Variants in ZNF469 observed in about 807,000 individuals in gnomAD.
ZNF469 encodes the protein zinc finger protein 469.
In ZNF469, 1 loss-of-function variant was observed where a neutral mutation model predicts 1.0. The observed-to-expected ratio is 1.00, with a 90% CI of 0.35 to 4.73. The LOEUF is 4.73. Among genes scored for constraint, ZNF469 ranks in the 30% most tolerant of loss-of-function variants. The pLI is 0.16. For missense variants in ZNF469, 6,100 were observed against 5,356.3 expected, an observed-to-expected ratio of 1.14 and a Z score of -4.33; for synonymous variants, 2,703 against 2,363.4, an observed-to-expected ratio of 1.14 and a Z score of -4.17.
chr16:88,264,583 C>T, the ZNF469 span, among the ~76,000 whole-genome samples: 1 of 151,192 alleles, frequency 6.6e-6, no homozygotes, highest in African/African-American at 2.4e-5. Flanking sequence ...CCCACATCCT[C>T]CTCCCCCCTC....
chr16:88,432,380 G>T lies in ZNF469; in HGVS notation c.4910G>T (p.Arg1637Leu), dbSNP rs273585621. Reference protein sequence around the residue: ...LTRVGESTAHREGAESAVATV... With the variant: ...LTRVGESTAHLEGAESAVATV... Reference sequence around the variant, plus strand: ...CGCGTTGGAGAATCCACTGCACATCGGGAGGGTGCGGAATCGGCTGTGGCC... The same window carrying T: ...CGCGTTGGAGAATCCACTGCACATCTGGAGGGTGCGGAATCGGCTGTGGCC... The change falls in exon 3 of 3, where the codon CGG becomes CTG. Residue 1637 changes from arginine to leucine, a missense_variant. Coordinates refer to ENST00000565624, the MANE Select transcript of ZNF469 (RefSeq NM_001367624.2). The T allele has an allele frequency of 1.3e-6, 2 of 1,549,216 alleles. No individual in the cohort carries two copies. Among genetic ancestry groups the T allele is most frequent in the Middle Eastern group, 1.7e-4 (1 of 5,992 alleles).
chr16:88,238,482 T>C, the ZNF469 span, among the ~76,000 whole-genome samples: 2 of 151,938 alleles, frequency 1.3e-5, no homozygotes. Context: ...CCTGGATAGA[T>C]AGACCCCAGA....
chr16:88,120,955 G>C, the ZNF469 span, among the ~76,000 whole-genome samples: 15 of 152,242 alleles, frequency 9.9e-5, no homozygotes, highest in South Asian at 2.7e-3. Flanking sequence ...CGCAGGCGTT[G>C]GGTGAGGTTC....
the ZNF469 span, among the ~76,000 whole-genome samples, chr16:88,342,575 C>T: frequency 6.6e-6 from 1 of 152,172 alleles, no homozygotes; most frequent in South Asian, 2.1e-4. Flanking sequence ...TCCCGCAGCC[C>T]CTTCCTTTGC....
chr16:88,135,036 C>G, the ZNF469 span, among the ~76,000 whole-genome samples: 1 of 152,254 alleles, frequency 6.6e-6, no homozygotes, highest in Non-Finnish European at 1.5e-5. Flanking sequence ...CAGTCCACCC[C>G]CATGTGCCTG....
chr16:88,411,630 C>T lies in ZNF469; in HGVS notation c.-191-13177C>T, dbSNP rs185017807. ...CAGGGAGAACGGGGTGTAGGGAGCC[C>T]CAGGAAGCTGGAGACAGGTGTCAAA... On this transcript the variant is annotated intron_variant, in intron 1 of 2. Coordinates refer to ENST00000565624, the MANE Select transcript of ZNF469 (RefSeq NM_001367624.2). Among the ~76,000 whole-genome samples the T allele has an allele frequency of 4.6e-5, 7 of 152,112 alleles. No individual in the cohort carries two copies. In the East Asian group the frequency reaches 1.4e-3, roughly 30 times the overall value.
At chr16:88,102,558 TC>T in the ZNF469 span, among the ~76,000 whole-genome samples, 1 of 152,342 alleles carries the variant, frequency 6.6e-6, no homozygotes, top group South Asian at 2.1e-4. Flanking sequence ...GGGCAGGGCT[TC>T]TTGCCCAGTG....
the ZNF469 span, among the ~76,000 whole-genome samples, chr16:88,366,973 C>G: frequency 1.3e-5 from 2 of 152,050 alleles, no homozygotes; most frequent in African/African-American, 4.8e-5. Flanking sequence ...CTGTCATTAC[C>G]ACCATCACTG....
the ZNF469 span, chr16:88,177,311 C>G: frequency 6.6e-6 from 1 of 152,172 alleles, no homozygotes; most frequent in Non-Finnish European, 1.5e-5. The surrounding 1 kb of genome is among the most constrained non-coding windows in gnomAD (Gnocchi z 4.8). Flanking sequence ...AATTCAAATG[C>G]TATTTATTGA....
In ZNF469 at chr16:88,428,448, G is replaced by A. The variant is rs924216719; in HGVS notation, c.978G>A (p.Leu326=). The change falls in exon 3 of 3, where the codon CTG becomes CTA. Residue 326 remains leucine (L), a synonymous_variant. Coordinates refer to ENST00000565624, the MANE Select transcript of ZNF469 (RefSeq NM_001367624.2). Reference sequence around the variant, plus strand: ...TGGGCACGGGCCCTGCCTACCCGCTGCCCACCCAGCCTGCGCCCTCACCCC... The same window carrying A: ...TGGGCACGGGCCCTGCCTACCCGCTACCCACCCAGCCTGCGCCCTCACCCC... ...EAVGTGPAYP[L]PTQPAPSPLP... is the part of the protein sequence containing the mutation. The A allele has an allele frequency of 3.2e-6, 5 of 1,548,188 alleles. No homozygotes were observed. The highest frequency in any genetic ancestry group is 3.5e-6 in the Non-Finnish European group (4 of 1,146,720).
At position 88,418,325 on chromosome 16, in the gene ZNF469, C is replaced by T. The variant is rs184099817; in HGVS notation, c.-191-6482C>T. Among the ~76,000 whole-genome samples the T allele has an allele frequency of 5.2e-4, 79 of 152,034 alleles. 3 individuals carry two copies. The highest frequency in any genetic ancestry group is 4.6e-3 in the Admixed American group (71 of 15,278). On this transcript the variant is annotated intron_variant, in intron 1 of 2. Transcript: ENST00000565624. ...AGCTGAAGGCCCATCTCGGTGAGGC[C>T]GTGGAGGGTTGTCTAGGAGACTGAG...
Position 88,435,872 on chromosome 16 carries a change from G to T in ZNF469, c.8402G>T (p.Gly2801Val). The part of the protein sequence containing the change: ...EENTPPLGPL[G>V]FPETSSSPAD... ...AACACGCCCCCCTTGGGCCCCCTGG[G>T]TTTTCCCGAGACTTCCAGCTCTCCG... The change falls in exon 3 of 3, where the codon GGT becomes GTT. Residue 2801 changes from glycine to valine, a missense_variant. By Grantham distance (109) the Gly-to-Val change is moderately radical (BLOSUM62 -3). Coordinates refer to ENST00000565624, the MANE Select transcript of ZNF469 (RefSeq NM_001367624.2). 6.5e-7 allele frequency: 1 copy of T among 1,550,222 alleles called. No homozygotes were observed. The highest frequency in any genetic ancestry group is 8.7e-7 in the Non-Finnish European group (1 of 1,146,962).
the ZNF469 span, among the ~76,000 whole-genome samples, chr16:88,140,415 G>A: frequency 2.7e-5 from 4 of 148,924 alleles, no homozygotes; most frequent in Admixed American, 6.7e-5. Context: ...TGTAGAAATC[G>A]GGGGGTAGCA....
chr16:88,429,446 C>G lies in ZNF469; in HGVS notation c.1976C>G (p.Thr659Ser). 1 of 1,548,230 alleles carries G rather than the reference C, an allele frequency of 6.5e-7. No homozygotes were observed. The highest frequency in any genetic ancestry group is 8.7e-7 in the Non-Finnish European group (1 of 1,145,300). ...CCGGAGCCCCCCCACTCCCTCCCCA[C>G]CCACTACCAGCCAGAGCCAGCCAAG... ...PSPEPPHSLP[T>S]HYQPEPAKAF... Residue 659 changes from threonine (T) to serine (S), a missense_variant, in exon 3 of 3, where the codon ACC (threonine) becomes AGC (serine). By Grantham distance (58) the Thr-to-Ser change is moderately conservative (BLOSUM62 1). Coordinates refer to ENST00000565624, the MANE Select transcript of ZNF469 (RefSeq NM_001367624.2).
In ZNF469 at chr16:88,437,450, C is replaced by G. The variant is rs186421933; in HGVS notation, c.9980C>G (p.Pro3327Arg). ...GGGGAGCCCCTCCTGCAAGCCACCC[C>G]GGTGCACGAGGCCTGCAAGGACCCC... is the stretch of plus-strand genomic sequence containing the variant. ...AGGEPLLQAT[P>R]VHEACKDPSR... The change falls in exon 3 of 3, where the codon CCG becomes CGG. Residue 3327 changes from proline (P) to arginine (R), a missense_variant. By Grantham distance (103) the Pro-to-Arg change is moderately radical. Transcript: ENST00000565624. The G allele has an allele frequency of 2.6e-6, 4 of 1,527,536 alleles. No homozygotes were observed. Among genetic ancestry groups the G allele is most frequent in the Middle Eastern group, 1.8e-4 (1 of 5,530 alleles). The allele number at this position is 1,527,536 out of a possible 1,614,324, so 94.6% of individuals were successfully genotyped here. A position where few individuals can be genotyped will look rare whatever the true frequency, so the allele number is the denominator to read the frequency against.
At chr16:88,192,988 ATGG>A in the ZNF469 span, among the ~76,000 whole-genome samples, 18 of 119,430 alleles carry the variant, frequency 1.5e-4, no homozygotes, top group South Asian at 2.8e-4. Context: ...GGTGGTGGTG[ATGG>A]TGGTGGTGGT....
At chr16:88,355,629 G>A in the ZNF469 span, among the ~76,000 whole-genome samples, 3 of 152,212 alleles carry the variant, frequency 2.0e-5, no homozygotes, top group African/African-American at 7.2e-5. Flanking sequence ...GCAGCAGTCT[G>A]CTCTGTGAGT....
At chr16:88,336,004 CAT>C in the ZNF469 span, among the ~76,000 whole-genome samples, 1 of 151,964 alleles carries the variant, frequency 6.6e-6, no homozygotes, top group African/African-American at 2.4e-5. Flanking sequence ...CAATACCACA[CAT>C]GTTCATCCTT....
chr16:88,134,565 G>T, the ZNF469 span, among the ~76,000 whole-genome samples: 1 of 152,226 alleles, frequency 6.6e-6, no homozygotes, highest in Non-Finnish European at 1.5e-5. Context: ...AGTTCCTGGA[G>T]GTGGAATTAC....
Sources: gnomAD v4.1 joint callset for allele counts (sites outside exome capture counted in the v4.1 genomes callset) on GRCh38, gnomAD v4.1.1 for gene constraint, Gnocchi (gnomAD v3.1) non-coding constraint, MANE v1.5 for transcripts, NCBI Gene and HGNC (gene_info 2026-07-23, HGNC 2026-07-21) for gene names.